Variants in IFT46 observed in about 807,000 individuals in gnomAD.
The protein encoded by IFT46 is intraflagellar transport protein 46 homolog.
In IFT46, 19 loss-of-function variants were observed where a neutral mutation model predicts 39.6. That is an observed-to-expected ratio of 0.48 (90% CI 0.33 to 0.70). The LOEUF is 0.70. IFT46 is among the 30% of genes least tolerant of loss of function. The pLI is 0.01. For synonymous variants in IFT46, 117 were observed against 134.8 expected, an observed-to-expected ratio of 0.87 and a Z score of 0.91; for missense variants, 334 against 364.8, an observed-to-expected ratio of 0.92 and a Z score of 0.69.
intron 9 of IFT46, chr11:118,546,210 A>C (rs1484607876): frequency 1.4e-6 from 1 of 717,036 alleles, no homozygotes; most frequent in Admixed American, 2.0e-5. Flanking sequence ...GAAGAAATCA[A>C]TCTTGGTGGG....
intron 7 of IFT46, 66 bp from the exon 8 acceptor site, chr11:118,552,401 C>T (rs1452576847): frequency 6.4e-7 from 1 of 1,569,052 alleles, no homozygotes; most frequent in African/African-American, 1.4e-5. Flanking sequence ...TACAGTGTCT[C>T]ATTATATCTG....
Position 118,552,202 on chromosome 11 carries a change from G to T in IFT46, c.605+12C>A, listed in dbSNP as rs782143552. On this transcript the variant is annotated intron_variant, in intron 8 of 11. Transcript: ENST00000264021. Reference sequence around the variant, plus strand: ...TATGTGTTACTGTTGCAAAGAATGTGGTATTTCTTACCTGGTGTAGTGCAC... The same window carrying T: ...TATGTGTTACTGTTGCAAAGAATGTTGTATTTCTTACCTGGTGTAGTGCAC... The T allele has an allele frequency of 6.2e-7, 1 of 1,613,788 alleles. No individual in the cohort carries two copies. Among genetic ancestry groups the T allele is most frequent in the Non-Finnish European group, 8.5e-7 (1 of 1,179,918 alleles).
upstream of IFT46, chr11:118,566,206 A>G (rs1036559777): frequency 6.6e-6 from 1 of 152,218 alleles, no homozygotes; most frequent in East Asian, 1.9e-4. Context: ...CCCTAGGACA[A>G]CAATCTCTGG....
At position 118,563,929 on chromosome 11, in the gene IFT46, C is replaced by T. The variant is rs545690890; in HGVS notation, c.-36+1036G>A. Among the ~76,000 whole-genome samples, 7 of 152,084 alleles carry T rather than the reference C, an allele frequency of 4.6e-5. No homozygotes were observed. The East Asian group carries it at 5.8e-4, about 13-fold the overall frequency. ...TCAAAAGTGGGTTTCTGGCCAGGTACGGTGGCTCATACCTGTAATCCCAGC... is the reference window on the plus strand; with the variant it reads ...TCAAAAGTGGGTTTCTGGCCAGGTATGGTGGCTCATACCTGTAATCCCAGC... On this transcript the variant is annotated intron_variant, in intron 2 of 11. Transcript: ENST00000264021.
intron 9 of IFT46, among the ~76,000 whole-genome samples, chr11:118,550,961 A>G (rs138094276): frequency 0.011 from 1,691 of 150,418 alleles, 32 homozygotes; most frequent in African/African-American, 0.038. Flanking sequence ...TGCGGGGGGT[A>G]CGGAGGTTGC....
chr11:118,546,095 C>G, intron 9 of IFT46: 2 of 718,418 alleles, frequency 2.8e-6, no homozygotes, highest in Non-Finnish European at 5.2e-6. Context: ...GGGCCTTAAT[C>G]CAGTATGACT....
chr11:118,563,801 C>T (rs147085424), intron 2 of IFT46, among the ~76,000 whole-genome samples: 54 of 152,242 alleles, frequency 3.5e-4, no homozygotes, highest in Admixed American at 9.8e-4. Context: ...TTTCACATCT[C>T]ACATACTGTT....
intron 9 of IFT46, among the ~76,000 whole-genome samples, chr11:118,550,200 G>C (rs1050302495): frequency 1.3e-5 from 2 of 152,092 alleles, no homozygotes; most frequent in Non-Finnish European, 2.9e-5. Context: ...GCCTCCCAAA[G>C]TGCTGGGATT....
chr11:118,574,363 T>C (rs1225608826), upstream of IFT46, among the ~76,000 whole-genome samples: 1 of 152,166 alleles, frequency 6.6e-6, no homozygotes, highest in Non-Finnish European at 1.5e-5. Context: ...AATTTTTATC[T>C]AAAAGTTGTA....
chr11:118,554,618 G>A (rs1555069099), intron 6 of IFT46, 31 bp from the exon 7 acceptor site: 2 of 1,569,266 alleles, frequency 1.3e-6, no homozygotes, highest in South Asian at 1.2e-5. Flanking sequence ...AAAGCAGAAA[G>A]GAAAATGTTT....
intron 9 of IFT46, among the ~76,000 whole-genome samples, chr11:118,551,397 G>A (rs1389126155): frequency 1.3e-5 from 2 of 150,910 alleles, no homozygotes; most frequent in Non-Finnish European, 3.0e-5. Flanking sequence ...ATGATCGCTG[G>A]GTGGAGTGGC....
chr11:118,568,042 T>G (rs546841809), upstream of IFT46, among the ~76,000 whole-genome samples: 1 of 152,324 alleles, frequency 6.6e-6, no homozygotes, highest in South Asian at 2.1e-4. Flanking sequence ...AGAAGCATGC[T>G]TACAGGGTTG....
upstream of IFT46, among the ~76,000 whole-genome samples, chr11:118,576,366 A>G (rs529989886): frequency 4.7e-5 from 7 of 149,682 alleles, no homozygotes; most frequent in Middle Eastern, 3.4e-3. Context: ...TCACATCTGT[A>G]AGACAATCAA....
chr11:118,548,367 C>CTT (rs58602089), intron 9 of IFT46, among the ~76,000 whole-genome samples: 14 of 129,754 alleles, frequency 1.1e-4, no homozygotes, highest in South Asian at 2.6e-4. Context: ...TCCATTACGA[C>CTT]TTTTTTTTTT....
chr11:118,571,829 C>T (rs1938342045), intron 1 of IFT46, among the ~76,000 whole-genome samples: 1 of 152,152 alleles, frequency 6.6e-6, no homozygotes, highest in African/African-American at 2.4e-5. Context: ...GTGGCTGACG[C>T]CTGTAATCCC....
intron 3 of IFT46, chr11:118,557,836 G>A (rs781832881): frequency 2.5e-6 from 4 of 1,613,914 alleles, no homozygotes; most frequent in Middle Eastern, 1.7e-4. Context: ...GGTGGAACAG[G>A]GTCCATGTCT....
At chr11:118,546,398 G>A in intron 9 of IFT46, 1 of 473,510 alleles carries the variant, frequency 2.1e-6, no homozygotes, top group Non-Finnish European at 3.9e-6. Context: ...GGCTGGGGTG[G>A]GAGGACTGCT....
chr11:118,557,926 G>A (rs1397772033), intron 3 of IFT46: 2 of 1,537,868 alleles, frequency 1.3e-6, no homozygotes, highest in Non-Finnish European at 1.7e-6. Context: ...TTAAAAGTAG[G>A]TTTTCAAAAC....
At chr11:118,558,038 A>C in intron 3 of IFT46, 2 of 758,706 alleles carry the variant, frequency 2.6e-6, no homozygotes, top group Non-Finnish European at 4.0e-6. Context: ...TTGGCACACA[A>C]AATTGTGACA....
Sources: allele counts gnomAD v4.1 joint callset (sites outside exome capture counted in the v4.1 genomes callset), GRCh38; gene constraint gnomAD v4.1.1; transcripts MANE v1.5; gene names NCBI Gene and HGNC (gene_info 2026-07-23, HGNC 2026-07-21).